ZNF782: variants seen among roughly 807,000 people sequenced by gnomAD.
ZNF782 encodes the protein zinc finger protein 782.
ZNF782 carries 12 observed loss-of-function variants against 13.0 expected under a neutral mutation model. The ratio of observed to expected loss-of-function variants is 0.92; its 90% CI spans 0.59 to 1.50. The LOEUF (loss-of-function observed/expected upper bound fraction) is 1.50. Ranked by LOEUF, ZNF782 falls within the 40% of genes most tolerant of loss-of-function variation. The pLI is 0.00. For missense variants in ZNF782, 770 were observed against 822.9 expected (o/e 0.94, Z 0.79); for synonymous variants, 284 against 283.0 (o/e 1.00, Z -0.04).
At chr9:96,888,184 AAAAG>A in the ZNF782 span, 5 of 152,290 alleles carry the variant, frequency 3.3e-5, no homozygotes, top group South Asian at 2.1e-4. Context: ...AAGAAAAAAA[AAAAG>A]AAAATGAAAA....
chr9:96,858,677 G>A (rs553705854), upstream of ZNF782, among the ~76,000 whole-genome samples: 4 of 152,286 alleles, frequency 2.6e-5, no homozygotes, highest in Non-Finnish European at 4.4e-5. The surrounding 1 kb of genome is among the most constrained non-coding windows in gnomAD (Gnocchi z 4.4). Flanking sequence ...GATCAAGATC[G>A]TGACAGGCAG....
In ZNF782 at chr9:96,819,311, G is replaced by T; in HGVS notation, c.712C>A (p.Pro238Thr). The change falls in exon 6 of 6, where the codon CCA (proline) becomes ACA (threonine). Residue 238 changes from proline to threonine, a missense_variant. Pro to Thr is a conservative substitution (Grantham distance 38). Transcript: ENST00000481138. ...AALVTSNSTH[P>T]KGKSYNFNKF... ...TTGAAATTGTAAGATTTTCCTTTTG[G>T]GTGGGTACTGTTAGATGTAACAAGG... 6.2e-7 allele frequency: 1 copy of T among 1,611,722 alleles called. No individual in the cohort carries two copies. Among genetic ancestry groups the T allele is most frequent in the South Asian group, 1.1e-5 (1 of 90,336 alleles).
chr9:96,822,539 T>C (rs1228460422), intron 5 of ZNF782, among the ~76,000 whole-genome samples: 8 of 152,248 alleles, frequency 5.3e-5, no homozygotes, highest in Admixed American at 5.2e-4. Context: ...TGAGTAATAG[T>C]GCTTTCCCCC....
At chr9:96,848,184 T>A (rs559541237) in intron 3 of ZNF782, among the ~76,000 whole-genome samples, 5 of 152,126 alleles carry the variant, frequency 3.3e-5, no homozygotes, top group Non-Finnish European at 7.3e-5. Context: ...AAAAGCCATA[T>A]GTGACAAGCC....
At chr9:96,831,919 T>C (rs1232382984) in intron 4 of ZNF782, among the ~76,000 whole-genome samples, 3 of 152,182 alleles carry the variant, frequency 2.0e-5, no homozygotes, top group Admixed American at 6.5e-5. Context: ...TTCTTGTAGA[T>C]GGCATACATT....
chr9:96,873,158 T>G lies in ZNF782; in HGVS notation c.-457+2310A>C, dbSNP rs559693171. The stretch of plus-strand genomic sequence containing the variant: ...AAATCCTAATAATATTGGTATATTT[T>G]CATCTACTTTAATTCTTTAGTACCT... On this transcript the variant is annotated intron_variant, in intron 1 of 5. Coordinates refer to the ZNF782 transcript ENST00000498811. 6.6e-5 allele frequency among the ~76,000 whole-genome samples: 10 copies of G among 152,334 alleles called. No individual in the cohort carries two copies. The South Asian group carries it at 2.1e-3, about 32-fold the overall frequency.
chr9:96,927,504 CAG>C, the ZNF782 span, among the ~76,000 whole-genome samples: 4 of 152,130 alleles, frequency 2.6e-5, no homozygotes, highest in Non-Finnish European at 5.9e-5. Context: ...GGTTGTGGTG[CAG>C]AATCTTTTTG....
At chr9:96,911,087 A>T in the ZNF782 span, among the ~76,000 whole-genome samples, 1 of 147,892 alleles carries the variant, frequency 6.8e-6, no homozygotes, top group Non-Finnish European at 1.5e-5. Flanking sequence ...CCTACTTCTG[A>T]CTTTACTTGT....
chr9:96,875,799 C>T (rs543429313), upstream of ZNF782, among the ~76,000 whole-genome samples: 1 of 152,370 alleles, frequency 6.6e-6, no homozygotes, highest in East Asian at 1.9e-4. Context: ...CGTCCCACTT[C>T]AGGTGAGCAC....
At chr9:96,905,368 A>ATGGC in the ZNF782 span, among the ~76,000 whole-genome samples, 1 of 151,392 alleles carries the variant, frequency 6.6e-6, no homozygotes, top group African/African-American at 2.4e-5. Flanking sequence ...GACCATTTAC[A>ATGGC]AATGCCATGG....
At chr9:96,881,283 ATTTCC>A in the ZNF782 span, among the ~76,000 whole-genome samples, 18 of 150,958 alleles carry the variant, frequency 1.2e-4, no homozygotes, top group South Asian at 8.4e-4. Context: ...TATCTTTATC[ATTTCC>A]TTTCTTCTTC....
At chr9:96,932,897 C>T in the ZNF782 span, among the ~76,000 whole-genome samples, 3 of 151,862 alleles carry the variant, frequency 2.0e-5, no homozygotes, top group South Asian at 2.1e-4. Context: ...GATCTGCCCG[C>T]CTCAGCCTCT....
At chr9:96,852,747 A>C (rs1401760200) in intron 2 of ZNF782, 106 bp downstream of exon 2, 1 of 152,652 alleles carries the variant, frequency 6.6e-6, no homozygotes, top group East Asian at 1.9e-4. Flanking sequence ...ATCCACAGAA[A>C]GTCTTATAAA....
the ZNF782 span, among the ~76,000 whole-genome samples, chr9:96,898,478 T>G: frequency 6.7e-6 from 1 of 149,102 alleles, no homozygotes; most frequent in Admixed American, 6.6e-5. Flanking sequence ...CAATGAAGTA[T>G]CAATACCTCA....
At chr9:96,884,088 G>A in the ZNF782 span, among the ~76,000 whole-genome samples, 2 of 152,212 alleles carry the variant, frequency 1.3e-5, no homozygotes, top group Admixed American at 6.5e-5. Context: ...GCAAGCAAGG[G>A]AACTCTGATT....
chr9:96,835,720 T>C (rs1850971023), intron 4 of ZNF782, among the ~76,000 whole-genome samples: 1 of 152,190 alleles, frequency 6.6e-6, no homozygotes, highest in African/African-American at 2.4e-5. Context: ...GCTTGCAGAA[T>C]GCTAGAGCCA....
At chr9:96,858,996 G>T (rs1367075520), upstream of ZNF782, among the ~76,000 whole-genome samples, 8 of 149,852 alleles carry the variant, frequency 5.3e-5, no homozygotes, top group African/African-American at 2.0e-4. This position sits in a 1 kb window ranked among gnomAD's most constrained non-coding sequence, Gnocchi z 4.4. Context: ...TTACACTAGT[G>T]CCCACCCACG....
intron 1 of ZNF782, among the ~76,000 whole-genome samples, chr9:96,866,281 T>A (rs1851753129): frequency 6.6e-6 from 1 of 152,162 alleles, no homozygotes; most frequent in African/African-American, 2.4e-5. Flanking sequence ...GTGTGCAGTC[T>A]AGGAACTTGG....
intron 3 of ZNF782, among the ~76,000 whole-genome samples, chr9:96,848,778 A>AT (rs1419500098): frequency 6.6e-6 from 1 of 152,224 alleles, no homozygotes; most frequent in Non-Finnish European, 1.5e-5. Flanking sequence ...GTTCAATGCA[A>AT]TTCTCATCAA....
Sources: gnomAD v4.1 joint callset for allele counts (sites outside exome capture counted in the v4.1 genomes callset) on GRCh38, gnomAD v4.1.1 for gene constraint, Gnocchi (gnomAD v3.1) non-coding constraint, MANE v1.5 for transcripts, NCBI Gene and HGNC (gene_info 2026-07-23, HGNC 2026-07-21) for gene names.